Variants in MINDY2 observed in about 807,000 individuals in gnomAD.
MINDY2 encodes ubiquitin carboxyl-terminal hydrolase MINDY-2.
In MINDY2, 52 loss-of-function variants were observed where a neutral mutation model predicts 68.2. The ratio of observed to expected loss-of-function variants is 0.76; its 90% CI spans 0.61 to 0.96. The LOEUF (loss-of-function observed/expected upper bound fraction) is 0.96, where lower values mean the gene tolerates loss of function less well. Among genes scored for constraint, MINDY2 ranks in the 40% least tolerant of loss-of-function variants. The pLI is 0.00. For missense variants in MINDY2, 881 were observed against 773.4 expected, an observed-to-expected ratio of 1.14 and a Z score of -1.65; for synonymous variants, 372 against 303.0, an observed-to-expected ratio of 1.23 and a Z score of -2.36.
At chr15:58,829,711 A>G (rs1451502821) in intron 5 of MINDY2, among the ~76,000 whole-genome samples, 7 of 152,206 alleles carry the variant, frequency 4.6e-5, no homozygotes, top group African/African-American at 1.4e-4. Flanking sequence ...AGGCATACCC[A>G]AGAAGTTGCA....
At chr15:58,845,463 G>A (rs575239275) in intron 6 of MINDY2, among the ~76,000 whole-genome samples, 16 of 152,200 alleles carry the variant, frequency 1.1e-4, no homozygotes, top group Admixed American at 1.0e-3. Flanking sequence ...GAACATCACT[G>A]GTCATCTGAG....
In MINDY2 at chr15:58,847,706, C is replaced by T. The variant is rs144129685; in HGVS notation, c.1542+236C>T. Among the ~76,000 whole-genome samples the T allele has an allele frequency of 9.2e-5, 14 of 152,228 alleles. No individual in the cohort carries two copies. The East Asian group carries it at 2.3e-3, about 25-fold the overall frequency. ...CATGGTGAGAAGTTTGAATTTTATT[C>T]TAATTGCAGTAGGAAAGCTATGTCA... On this transcript the variant is annotated intron_variant, in intron 7 of 8. Coordinates refer to ENST00000559228, the MANE Select transcript of MINDY2 (RefSeq NM_001040450.3).
At chr15:58,773,643 C>T (rs1333457570) in intron 1 of MINDY2, among the ~76,000 whole-genome samples, 4 of 151,528 alleles carry the variant, frequency 2.6e-5, no homozygotes, top group Admixed American at 6.6e-5. Flanking sequence ...TTTGGTATGG[C>T]GTAGTCCTAG....
In MINDY2 at chr15:58,854,645, C is replaced by G. The variant is rs1470984085; in HGVS notation, c.*35C>G. ...GCTTCTGTTGGAACCACCTATATGT[C>G]TTGAGAAACAAAACCACAGGAGGAA... On this transcript the variant is annotated 3_prime_UTR_variant, in exon 9 of 9. Coordinates refer to ENST00000559228, the MANE Select transcript of MINDY2 (RefSeq NM_001040450.3). 1.3e-6 allele frequency: 2 copies of G among 1,574,600 alleles called. No individual in the cohort carries two copies. The highest frequency in any genetic ancestry group is 1.7e-6 in the Non-Finnish European group (2 of 1,168,110).
rs539460577 is a variant in MINDY2, at chr15:58,849,811, G to A, written c.1543-1960G>A. ...GGCTAGAGTACAGTGGTGCGATCTC[G>A]GCTCACTGCAACCTCCACCTCCCAG... On this transcript the variant is annotated intron_variant, in intron 7 of 8. Transcript: ENST00000559228. 4.6e-5 allele frequency among the ~76,000 whole-genome samples: 7 copies of A among 152,072 alleles called. No individual in the cohort carries two copies. In the South Asian group the frequency reaches 8.3e-4, roughly 18 times the overall value.
Position 58,786,849 on chromosome 15 carries a change from G to A in MINDY2, c.841-1057G>A, listed in dbSNP as rs181882856. On this transcript the variant is annotated intron_variant, in intron 1 of 8. Coordinates refer to ENST00000559228, the MANE Select transcript of MINDY2 (RefSeq NM_001040450.3). ...TACTTAGTAATTTATTTTTTATTGA[G>A]ATGGAGTTTCACTCTTGTCACCCAG... 4.4e-3 allele frequency among the ~76,000 whole-genome samples: 673 copies of A among 152,176 alleles called. 2 individuals are homozygous for A. Among genetic ancestry groups the A allele is most frequent in the Non-Finnish European group, 8.3e-3 (562 of 68,006 alleles).
rs764248098 is a variant in MINDY2, at chr15:58,831,756, T to C, written c.1226-18T>C. On this transcript the variant is annotated intron_variant, in intron 5 of 8. Coordinates refer to ENST00000559228, the MANE Select transcript of MINDY2 (RefSeq NM_001040450.3). ...TTGAAATTATTCTTCTATCTAATGT[T>C]ATGCATTGGTTCTATAGGCTTTGTA... 6.3e-6 allele frequency: 10 copies of C among 1,596,712 alleles called. No homozygotes were observed. The highest frequency in any genetic ancestry group is 8.5e-6 in the Non-Finnish European group (10 of 1,173,714).
At chr15:58,799,020 C>G (rs1902464626) in intron 2 of MINDY2, among the ~76,000 whole-genome samples, 1 of 152,010 alleles carries the variant, frequency 6.6e-6, no homozygotes, top group Non-Finnish European at 1.5e-5. Context: ...CCTGGTGTAG[C>G]TAAAGAGGTT....
chr15:58,823,594 G>A (rs2031207789), intron 5 of MINDY2, among the ~76,000 whole-genome samples: 1 of 152,114 alleles, frequency 6.6e-6, no homozygotes, highest in Non-Finnish European at 1.5e-5. Context: ...GAGCCCAGGA[G>A]GTCAAGGCTG....
Position 58,771,758 on chromosome 15 carries a change from T to A in MINDY2, c.363T>A (p.His121Gln). ...SPETAVAGVG[H>Q]ELGTAGDAGA... The stretch of plus-strand genomic sequence containing the variant: ...AGACAGCCGTGGCCGGAGTGGGTCA[T>A]GAGTTGGGTACCGCCGGAGACGCGG... Residue 121 changes from histidine (H) to glutamine (Q), a missense_variant, in exon 1 of 9, where the codon CAT (histidine) becomes CAA (glutamine). Transcript: ENST00000559228. 1 of 1,611,320 alleles carries A rather than the reference T, an allele frequency of 6.2e-7. No homozygotes were observed.
At chr15:58,785,959 C>T (rs1165693186) in intron 1 of MINDY2, among the ~76,000 whole-genome samples, 7 of 152,120 alleles carry the variant, frequency 4.6e-5, no homozygotes, top group Admixed American at 3.9e-4. Flanking sequence ...TGTGAGCCAC[C>T]AGGCCTGACC....
intron 5 of MINDY2, among the ~76,000 whole-genome samples, chr15:58,831,055 A>ATATATATATG (rs1204574446): frequency 4.1e-5 from 6 of 145,504 alleles, no homozygotes; most frequent in African/African-American, 1.6e-4. Flanking sequence ...ATATATATAT[A>ATATATATATG]TATATGTTTT....
chr15:58,838,798 C>T (rs141936552), intron 6 of MINDY2, among the ~76,000 whole-genome samples: 3 of 151,886 alleles, frequency 2.0e-5, no homozygotes, highest in South Asian at 4.2e-4. Context: ...CCAGACTGGT[C>T]TCAAATCCCT....
intron 4 of MINDY2, among the ~76,000 whole-genome samples, chr15:58,812,920 A>G (rs1160552839): frequency 1.3e-5 from 2 of 152,146 alleles, no homozygotes; most frequent in South Asian, 2.1e-4. Context: ...TGTTAACACA[A>G]GAATCCCGCC....
intron 1 of MINDY2, among the ~76,000 whole-genome samples, chr15:58,782,220 C>G (rs942458808): frequency 1.3e-5 from 2 of 152,042 alleles, no homozygotes; most frequent in South Asian, 4.2e-4. Flanking sequence ...ACAATTTCTA[C>G]TAAAAAATCA....
In MINDY2 at chr15:58,837,943, T is replaced by C. The variant is rs538928767; in HGVS notation, c.1368+6027T>C. Among the ~76,000 whole-genome samples the C allele has an allele frequency of 1.4e-3, 186 of 128,578 alleles. 1 individual carries two copies. The highest frequency in any genetic ancestry group is 5.4e-3 in the African/African-American group (177 of 32,630). The allele number at this position is 128,578 out of a possible 152,430, so 84.4% of individuals were successfully genotyped here. On this transcript the variant is annotated intron_variant, in intron 6 of 8. Coordinates refer to ENST00000559228, the MANE Select transcript of MINDY2 (RefSeq NM_001040450.3). ...GTGATCATGCCACTGCACTCCAACC[T>C]GGATGACAGAGTAAGACCTTCTTTC...
rs532598849 is a variant in MINDY2 at position 58,782,006 on chromosome 15, G to T, written c.841-5900G>T. ...ATTTTTAAGTATAGTATTACTAGTAGTAAATGAATAGTACATACAAGAAAT... is the reference window on the plus strand; with the variant it reads ...ATTTTTAAGTATAGTATTACTAGTATTAAATGAATAGTACATACAAGAAAT... On this transcript the variant is annotated intron_variant, in intron 1 of 8. Coordinates refer to ENST00000559228, the MANE Select transcript of MINDY2 (RefSeq NM_001040450.3). 3.9e-5 allele frequency among the ~76,000 whole-genome samples: 6 copies of T among 152,172 alleles called. No individual in the cohort carries two copies. In the East Asian group the frequency reaches 1.2e-3, roughly 29 times the overall value.
chr15:58,778,508 A>T (rs954324399), intron 1 of MINDY2, among the ~76,000 whole-genome samples: 2 of 151,546 alleles, frequency 1.3e-5, no homozygotes, highest in Non-Finnish European at 2.9e-5. Flanking sequence ...TCTGTAAAAT[A>T]AAAAAAAGCT....
intron 3 of MINDY2, among the ~76,000 whole-genome samples, chr15:58,808,530 A>C (rs934924313): frequency 3.9e-5 from 6 of 152,110 alleles, no homozygotes; most frequent in African/African-American, 1.4e-4. Flanking sequence ...GTGTCTTTTC[A>C]TGGCTTGATA....
Sources: gnomAD v4.1 joint callset for allele counts (sites outside exome capture counted in the v4.1 genomes callset) on GRCh38, gnomAD v4.1.1 for gene constraint, MANE v1.5 for transcripts, NCBI Gene and HGNC (gene_info 2026-07-23, HGNC 2026-07-21) for gene names.